The following FBN2 variants were observed in gnomAD, a reference collection of about 807,000 sequenced individuals.
FBN2 encodes the protein fibrillin 2.
In FBN2, 105 loss-of-function variants were observed where a neutral mutation model predicts 355.6. The ratio of observed to expected loss-of-function variants is 0.30; its 90% CI spans 0.25 to 0.35. The LOEUF (loss-of-function observed/expected upper bound fraction) is 0.35, where lower values mean the gene tolerates loss of function less well. Among genes scored for constraint, FBN2 ranks in the 10% least tolerant of loss-of-function variants. The pLI is 1.00. For synonymous variants in FBN2, 1,350 were observed against 1,301.2 expected (o/e 1.04, Z -0.81); for missense variants, 3,280 against 3,758.7 (o/e 0.87, Z 3.33).
intron 32 of FBN2, among the ~76,000 whole-genome samples, chr5:128,332,104 G>A (rs953359057): frequency 1.1e-4 from 17 of 152,120 alleles, no homozygotes; most frequent in Non-Finnish European, 2.5e-4. Flanking sequence ...TATTTGAATG[G>A]ATAAAAAAGT....
chr5:128,287,357 GCATTCATAGGAC>G lies in FBN2; in HGVS notation c.6819_6830del (p.Ser2274_Cys2277del). ...TGAGGGCATAGCCAATCGGGCACGT[GCATTCATAGGAC>G]CCAAAAGTGTTCATGCAGCGGAAAG... On this transcript the variant is annotated inframe_deletion, in exon 54 of 65. Transcript: ENST00000262464. 1 of 1,613,986 alleles carries G rather than the reference GCATTCATAGGAC, an allele frequency of 6.2e-7. No homozygotes were observed. The highest frequency in any genetic ancestry group is 8.5e-7 in the Non-Finnish European group (1 of 1,179,884).
chr5:128,515,551 G>A (rs993356987), intron 5 of FBN2, among the ~76,000 whole-genome samples: 3 of 152,110 alleles, frequency 2.0e-5, no homozygotes, highest in Non-Finnish European at 2.9e-5. Flanking sequence ...TTCTCAGCAC[G>A]CTTTTAGACC....
At chr5:128,536,714 TG>T (rs1459545357) in intron 1 of FBN2, among the ~76,000 whole-genome samples, 1 of 152,176 alleles carries the variant, frequency 6.6e-6, no homozygotes, top group Non-Finnish European at 1.5e-5. Context: ...TGTCGTCCCT[TG>T]CCTGCCTTTT....
At chr5:128,516,130 C>A (rs1187469352) in intron 5 of FBN2, among the ~76,000 whole-genome samples, 1 of 152,168 alleles carries the variant, frequency 6.6e-6, no homozygotes, top group Non-Finnish European at 1.5e-5. Flanking sequence ...TACCCACCCT[C>A]TCCAAGTTTC....
intron 32 of FBN2, 139 bp downstream of exon 32, chr5:128,332,773 G>T: frequency 2.3e-6 from 2 of 864,248 alleles, no homozygotes; most frequent in Non-Finnish European, 3.9e-6. Flanking sequence ...GACACCCTTA[G>T]GCAGGAATTA....
At chr5:128,463,291 T>C (rs972041728) in intron 6 of FBN2, among the ~76,000 whole-genome samples, 5 of 152,036 alleles carry the variant, frequency 3.3e-5, no homozygotes, top group Non-Finnish European at 5.9e-5. Context: ...ATATTCAGAC[T>C]AATATTCATA....
chr5:128,359,425 A>G (rs944245030), intron 19 of FBN2, among the ~76,000 whole-genome samples: 1 of 152,082 alleles, frequency 6.6e-6, no homozygotes, highest in Non-Finnish European at 1.5e-5. Flanking sequence ...AGGGAAAAAG[A>G]GATTAGTAGC....
Position 128,338,923 on chromosome 5 carries a change from C to T in FBN2, c.3472+10G>A, listed in dbSNP as rs765953258. On this transcript the variant is annotated intron_variant, in intron 26 of 64. Coordinates refer to ENST00000262464, the MANE Select transcript of FBN2 (RefSeq NM_001999.4). ...TTTCAAGCTGGCGAGGAAGAGCTCA[C>T]GGTGCTTACCCATGCAGTTCTTCAT... is the stretch of plus-strand genomic sequence containing the variant. The T allele has an allele frequency of 8.1e-6, 13 of 1,613,444 alleles. No homozygotes were observed. The highest frequency in any genetic ancestry group is 4.5e-5 in the East Asian group (2 of 44,858).
chr5:128,391,490 T>C (rs1752508427), intron 11 of FBN2, among the ~76,000 whole-genome samples: 1 of 152,188 alleles, frequency 6.6e-6, no homozygotes, highest in Non-Finnish European at 1.5e-5. Flanking sequence ...TCATTGTTGT[T>C]ATTTTTGAAT....
Position 128,272,087 on chromosome 5 carries a change from G to A in FBN2, c.7872C>T (p.Cys2624=). The A allele has an allele frequency of 6.2e-7, 1 of 1,614,002 alleles. No individual in the cohort carries two copies. The change falls in exon 62 of 65, where the codon TGC becomes TGT. Residue 2624 remains cysteine, a synonymous_variant. Transcript: ENST00000262464. ...CCAGGATGTTCTGGCAGCCGTGTTG[G>A]CACCTGTGGTTCCCATCACATTCAT... ...DVDECDGNHR[C]QHGCQNILGG... is the part of the protein sequence containing the mutation.
Position 128,259,171 on chromosome 5 carries a change from G to T in FBN2, c.*284C>A. The T allele has an allele frequency of 2.6e-6, 1 of 383,490 alleles. No individual in the cohort carries two copies. Among genetic ancestry groups the T allele is most frequent in the South Asian group, 3.5e-5 (1 of 28,618 alleles). The allele number at this position is 383,490 out of a possible 1,614,324, so 23.8% of individuals were successfully genotyped here. A position where few individuals can be genotyped will look rare whatever the true frequency, so the allele number is the denominator to read the frequency against. ...CTCACATTATTTTTGTGCATTTAGTGCCATATGCTGATATCTTGAACATTT... is the reference window on the plus strand; with the variant it reads ...CTCACATTATTTTTGTGCATTTAGTTCCATATGCTGATATCTTGAACATTT... On this transcript the variant is annotated 3_prime_UTR_variant, in exon 65 of 65. Transcript: ENST00000262464.
intron 5 of FBN2, among the ~76,000 whole-genome samples, chr5:128,475,782 T>G (rs1357203191): frequency 6.6e-6 from 1 of 152,180 alleles, no homozygotes; most frequent in Non-Finnish European, 1.5e-5. Context: ...GGAGATTAAA[T>G]AGGCTAGCAT....
chr5:128,333,511 T>C (rs1750747965), intron 31 of FBN2, among the ~76,000 whole-genome samples: 1 of 152,170 alleles, frequency 6.6e-6, no homozygotes, highest in Non-Finnish European at 1.5e-5. Context: ...TAAAATTACA[T>C]GATCATTTGT....
At chr5:128,296,660 A>G (rs1393280840) in intron 48 of FBN2, among the ~76,000 whole-genome samples, 1 of 152,058 alleles carries the variant, frequency 6.6e-6, no homozygotes, top group Non-Finnish European at 1.5e-5. Flanking sequence ...GGTAGTTTGT[A>G]TTTCTGTGGG....
At chr5:128,429,025 T>G (rs1200684285) in intron 7 of FBN2, among the ~76,000 whole-genome samples, 1 of 152,184 alleles carries the variant, frequency 6.6e-6, no homozygotes, top group East Asian at 1.9e-4. Flanking sequence ...AGAGCCCCTC[T>G]CAGGACAATT....
Position 128,318,530 on chromosome 5 carries a change from C to T in FBN2, c.4595-259G>A, listed in dbSNP as rs950521537. 4.6e-5 allele frequency among the ~76,000 whole-genome samples: 7 copies of T among 151,078 alleles called. No homozygotes were observed. The South Asian group carries it at 6.2e-4, about 13-fold the overall frequency. Reference sequence around the variant, plus strand: ...TAATTAAAATTTGCAACTCTGAGGACGAAAAAATTATGTCACTATTTGCTT... The same window carrying T: ...TAATTAAAATTTGCAACTCTGAGGATGAAAAAATTATGTCACTATTTGCTT... On this transcript the variant is annotated intron_variant, in intron 35 of 64. Coordinates refer to ENST00000262464, the MANE Select transcript of FBN2 (RefSeq NM_001999.4).
Position 128,262,848 on chromosome 5 carries a change from C to T in FBN2, c.8192+577G>A, listed in dbSNP as rs79446471. On this transcript the variant is annotated intron_variant, in intron 63 of 64. Coordinates refer to ENST00000262464, the MANE Select transcript of FBN2 (RefSeq NM_001999.4). ...CTGGAAGAATGCAAATGGCCAGCAC[C>T]TCTGCCACAGCCCATGGAACTTGAG... Among the ~76,000 whole-genome samples the T allele has an allele frequency of 9.9e-3, 1,504 of 152,286 alleles. 20 individuals carry two copies. Among genetic ancestry groups the T allele is most frequent in the African/African-American group, 0.034 (1,428 of 41,544 alleles).
In FBN2 at chr5:128,446,491, C is replaced by A. The variant is rs752259332; in HGVS notation, c.942G>T (p.Gln314His). Residue 314 changes from glutamine (Q) to histidine (H), a missense_variant, in exon 7 of 65, where the codon CAG (glutamine) becomes CAT (histidine). Gln to His is a conservative substitution (Grantham distance 24). This residue lies in a region of FBN2 where 343 missense variants were observed against 331.0 expected (regional missense o/e 1.04). Transcript: ENST00000262464. Reference sequence around the variant, plus strand: ...AGTAGAGAGACTCACCTTCACATTTCTGAGTAGTTTCACTCTGTTTGTGAC... The same window carrying A: ...AGTAGAGAGACTCACCTTCACATTTATGAGTAGTTTCACTCTGTTTGTGAC... The part of the protein sequence containing the change: ...PAGHKQSETT[Q>H]KCEDIDECSI... The A allele has an allele frequency of 1.9e-6, 3 of 1,613,870 alleles. No homozygotes were observed. The South Asian group carries it at 3.3e-5, about 18-fold the overall frequency.
At chr5:128,408,858 A>C (rs891147654) in intron 7 of FBN2, 59 bp from the exon 8 acceptor site, 2 of 1,604,220 alleles carry the variant, frequency 1.2e-6, no homozygotes, top group Admixed American at 3.3e-5. Context: ...TAGCTTTTAA[A>C]AGAGATTTTT....
Sources: allele counts gnomAD v4.1 joint callset (sites outside exome capture counted in the v4.1 genomes callset), GRCh38; gene constraint gnomAD v4.1.1; regional missense constraint gnomAD v4.1.1; transcripts MANE v1.5; gene names NCBI Gene and HGNC (gene_info 2026-07-23, HGNC 2026-07-21).